Variants in ADAMTS17 observed in about 807,000 individuals in gnomAD.
The protein encoded by ADAMTS17 is A disintegrin and metalloproteinase with thrombospondin motifs 17.
A neutral mutation model predicts 141.5 loss-of-function variants in ADAMTS17; 113 were observed. That is an observed-to-expected ratio of 0.80 (90% CI 0.69 to 0.93). The LOEUF (loss-of-function observed/expected upper bound fraction) is 0.93, where lower values mean the gene tolerates loss of function less well. ADAMTS17 is among the 40% of genes least tolerant of loss of function. The pLI, the probability that ADAMTS17 is intolerant of heterozygous loss-of-function variation, is 0.00. For missense variants in ADAMTS17, 1,659 were observed against 1,517.9 expected, an observed-to-expected ratio of 1.09 and a Z score of -1.54; for synonymous variants, 768 against 630.6, an observed-to-expected ratio of 1.22 and a Z score of -3.27.
At chr15:100,008,245 G>C (rs578250422) in intron 18 of ADAMTS17, among the ~76,000 whole-genome samples, 3 of 152,188 alleles carry the variant, frequency 2.0e-5, no homozygotes, top group South Asian at 2.1e-4. Flanking sequence ...GGAGTCGGAG[G>C]GGGTGTGTGG....
intron 15 of ADAMTS17, among the ~76,000 whole-genome samples, chr15:100,059,742 TG>T: frequency 6.6e-6 from 1 of 152,236 alleles, no homozygotes; most frequent in African/African-American, 2.4e-5. Flanking sequence ...TGTGGCAGCT[TG>T]GGTTGCTCTC....
In ADAMTS17 at chr15:100,236,283, TA is replaced by T. The variant is rs34689590; in HGVS notation, c.1075+17852del. Among the ~76,000 whole-genome samples, 1,088 of 128,456 alleles carry T rather than the reference TA, an allele frequency of 8.5e-3. 3 individuals are homozygous for T. The highest frequency in any genetic ancestry group is 0.023 in the Middle Eastern group (5 of 220). The allele number at this position is 128,456 out of a possible 152,430, so 84.3% of individuals were successfully genotyped here. The stretch of plus-strand genomic sequence containing the variant: ...CCTATATTCATGTCACCCACGACAT[TA>T]AAAAAAAAAAAAAAAACCCTAACAA... On this transcript the variant is annotated intron_variant, in intron 7 of 21. Coordinates refer to ENST00000268070, the MANE Select transcript of ADAMTS17 (RefSeq NM_139057.4).
chr15:100,091,417 T>G (rs1567158493), intron 15 of ADAMTS17, among the ~76,000 whole-genome samples: 2 of 152,150 alleles, frequency 1.3e-5, no homozygotes, highest in Non-Finnish European at 2.9e-5. Context: ...GGAACATGAT[T>G]TGGTTTCATG....
chr15:100,202,735 A>ACCCGCCAAATC (rs1042551204), intron 7 of ADAMTS17, among the ~76,000 whole-genome samples: 8 of 152,222 alleles, frequency 5.3e-5, no homozygotes, highest in African/African-American at 1.9e-4. Context: ...AGCTGGGAAA[A>ACCCGCCAAATC]CCCGCCAAAT....
intron 18 of ADAMTS17, among the ~76,000 whole-genome samples, chr15:100,022,535 G>T (rs905181663): frequency 6.6e-6 from 1 of 152,182 alleles, no homozygotes; most frequent in African/African-American, 2.4e-5. Flanking sequence ...TACAGCAGCT[G>T]CCGGGCAGAT....
intron 15 of ADAMTS17, among the ~76,000 whole-genome samples, chr15:100,073,493 G>A (rs1305457355): frequency 6.6e-6 from 1 of 151,896 alleles, no homozygotes; most frequent in Admixed American, 6.6e-5. Flanking sequence ...ATTCACAATA[G>A]CAAAGACTTG....
chr15:100,304,990 G>C (rs557694556), intron 3 of ADAMTS17, among the ~76,000 whole-genome samples: 1 of 152,176 alleles, frequency 6.6e-6, no homozygotes, highest in East Asian at 1.9e-4. Flanking sequence ...TTACTATATT[G>C]AAAGAATACA....
intron 3 of ADAMTS17, among the ~76,000 whole-genome samples, chr15:100,307,377 C>T (rs933426502): frequency 6.6e-6 from 1 of 152,082 alleles, no homozygotes; most frequent in Non-Finnish European, 1.5e-5. Context: ...CCCTGTGCTG[C>T]CATCAGGAAA....
At chr15:100,332,250 T>G (rs2046076013) in intron 2 of ADAMTS17, among the ~76,000 whole-genome samples, 1 of 152,224 alleles carries the variant, frequency 6.6e-6, no homozygotes, top group Non-Finnish European at 1.5e-5. Context: ...AAGTGAAAAC[T>G]TGAGTTTGTT....
At chr15:100,147,284 G>C (rs34718344) in intron 10 of ADAMTS17, among the ~76,000 whole-genome samples, 1 of 152,010 alleles carries the variant, frequency 6.6e-6, no homozygotes, top group Admixed American at 6.6e-5. Context: ...AAGAACCTAC[G>C]TGACTATCAG....
At chr15:100,076,284 C>T (rs1373111970) in intron 15 of ADAMTS17, among the ~76,000 whole-genome samples, 1 of 152,256 alleles carries the variant, frequency 6.6e-6, no homozygotes, top group African/African-American at 2.4e-5. Flanking sequence ...CTCAGGTGAT[C>T]CACCTGCCCC....
intron 18 of ADAMTS17, among the ~76,000 whole-genome samples, chr15:100,011,799 T>C (rs936417276): frequency 1.3e-5 from 2 of 152,262 alleles, no homozygotes; most frequent in African/African-American, 4.8e-5. Flanking sequence ...ACTTGTTGAC[T>C]GATGGGCATT....
intron 7 of ADAMTS17, among the ~76,000 whole-genome samples, chr15:100,207,423 A>G (rs539070898): frequency 1.3e-5 from 2 of 152,226 alleles, no homozygotes; most frequent in African/African-American, 4.8e-5. Flanking sequence ...AAGCTAATAC[A>G]CCCAGAGTGC....
rs13379627 is a variant in ADAMTS17, at chr15:100,109,493, G to A, written c.1889-377C>T. On this transcript the variant is annotated intron_variant, in intron 13 of 21. Coordinates refer to ENST00000268070, the MANE Select transcript of ADAMTS17 (RefSeq NM_139057.4). ...TATAGCGAGGGTGTGAAGGGAGGGG[G>A]AGGGGAAGGGGAACGAGAATGCCTC... Among the ~76,000 whole-genome samples, 646 of 152,068 alleles carry A rather than the reference G, an allele frequency of 4.2e-3. 3 individuals carry two copies. The highest frequency in any genetic ancestry group is 0.014 in the African/African-American group (578 of 41,478).
At position 100,063,714 on chromosome 15, in the gene ADAMTS17, C is replaced by T. The variant is rs756504771; in HGVS notation, c.2138-9660G>A. On this transcript the variant is annotated intron_variant, in intron 15 of 21. Coordinates refer to ENST00000268070, the MANE Select transcript of ADAMTS17 (RefSeq NM_139057.4). ...GTGGGCAGGTTTATCCTCCACCACACGGATCCTCCGAGCTCCAGCAGGAAT... is the reference window on the plus strand; with the variant it reads ...GTGGGCAGGTTTATCCTCCACCACATGGATCCTCCGAGCTCCAGCAGGAAT... 18 of 1,289,926 alleles carry T rather than the reference C, an allele frequency of 1.4e-5. No individual in the cohort carries two copies. In the East Asian group the frequency reaches 6.7e-4, roughly 48 times the overall value. 79.9% of individuals were successfully genotyped at this position (1,289,926 alleles called of 1,614,324 possible).
intron 4 of ADAMTS17, among the ~76,000 whole-genome samples, chr15:100,279,572 T>C (rs1245619020): frequency 2.6e-5 from 4 of 152,206 alleles, no homozygotes; most frequent in Admixed American, 6.5e-5. Context: ...GCCTGACCAT[T>C]TGTGGCCAGG....
At chr15:100,040,296 T>C (rs2141532757) in intron 18 of ADAMTS17, among the ~76,000 whole-genome samples, 1 of 152,322 alleles carries the variant, frequency 6.6e-6, no homozygotes, top group Non-Finnish European at 1.5e-5. Context: ...TGCACAGCCA[T>C]TTCTTCTGTG....
intron 15 of ADAMTS17, among the ~76,000 whole-genome samples, chr15:100,058,059 G>A (rs2032744866): frequency 6.6e-6 from 1 of 151,684 alleles, no homozygotes; most frequent in African/African-American, 2.4e-5. Context: ...CCACCCAGCT[G>A]AGTACCCCTG....
intron 7 of ADAMTS17, among the ~76,000 whole-genome samples, chr15:100,240,579 G>C (rs747902031): frequency 6.6e-6 from 1 of 152,082 alleles, no homozygotes; most frequent in Non-Finnish European, 1.5e-5. Flanking sequence ...CAGTCCAGAG[G>C]GCACCCGAGG....
Sources: gnomAD v4.1 joint callset for allele counts (sites outside exome capture counted in the v4.1 genomes callset) on GRCh38, gnomAD v4.1.1 for gene constraint, MANE v1.5 for transcripts, NCBI Gene and HGNC (gene_info 2026-07-23, HGNC 2026-07-21) for gene names.